The following EPN1 variants were observed in gnomAD, a reference collection of about 807,000 sequenced individuals.
The protein encoded by EPN1 is epsin-1.
A neutral mutation model predicts 56.9 loss-of-function variants in EPN1; 25 were observed. The ratio of observed to expected loss-of-function variants is 0.44; its 90% confidence interval spans 0.32 to 0.61. The LOEUF is 0.61. Ranked by LOEUF, EPN1 falls within the 20% of genes least tolerant of loss-of-function variation. The pLI is 0.05. For synonymous variants in EPN1, 411 were observed against 361.8 expected, an observed-to-expected ratio of 1.14 and a Z score of -1.54; for missense variants, 785 against 823.7, an observed-to-expected ratio of 0.95 and a Z score of 0.58.
At chr19:55,678,114 C>T (rs1171592238) in intron 1 of EPN1, among the ~76,000 whole-genome samples, 1 of 152,132 alleles carries the variant, frequency 6.6e-6, no homozygotes, top group Non-Finnish European at 1.5e-5. Flanking sequence ...GTGGATATCC[C>T]TGGATGAGGA....
intron 7 of EPN1, 22 bp downstream of exon 7, chr19:55,692,079 A>G (rs1600107868): frequency 1.4e-6 from 2 of 1,420,284 alleles, no homozygotes; most frequent in Non-Finnish European, 1.8e-6. Flanking sequence ...GCCCACTTGC[A>G]TGCAGCCCCT....
chr19:55,687,034 C>T (rs1344066873), intron 3 of EPN1, among the ~76,000 whole-genome samples: 1 of 152,124 alleles, frequency 6.6e-6, no homozygotes, highest in African/African-American at 2.4e-5. Context: ...GAAGCAGCTG[C>T]ACCCCTCCGA....
Position 55,708,227 on chromosome 19 carries a change from C to T in EPN1, c.*12871C>T, listed in dbSNP as rs947857214. ...AACTGATTATATAATCCAATTTCTG[C>T]ATCATCTTGCTTTTATGTTTTGTAA... On this transcript the variant is annotated 3_prime_UTR_variant, in exon 11 of 11. Coordinates refer to ENST00000270460, the MANE Select transcript of EPN1 (RefSeq NM_001130072.2). 6.6e-6 allele frequency: 1 copy of T among 152,144 alleles called. No homozygotes were observed. Among genetic ancestry groups the T allele is most frequent in the African/African-American group, 2.4e-5 (1 of 41,440 alleles). 9.4% of individuals were successfully genotyped at this position (152,144 alleles called of 1,614,324 possible). A position where few individuals can be genotyped will look rare whatever the true frequency, so the allele number is the denominator to read the frequency against.
chr19:55,681,159 T>C, intron 2 of EPN1, among the ~76,000 whole-genome samples: 1 of 152,162 alleles, frequency 6.6e-6, no homozygotes. Flanking sequence ...TGTGGGGGCC[T>C]TGCAGGCCTG....
Position 55,695,684 on chromosome 19 carries a change from G to A in EPN1, c.*328G>A, listed in dbSNP as rs563357184. ...GTTTGAGCCTCCTCGTTCCCCTCAC[G>A]CACCCGCTCACGCACCCTCGGTGAA... On this transcript the variant is annotated 3_prime_UTR_variant, in exon 11 of 11. Coordinates refer to ENST00000270460, the MANE Select transcript of EPN1 (RefSeq NM_001130072.2). The surrounding 1 kb of genome is among the most constrained non-coding windows in gnomAD (Gnocchi z 4.4). 10 of 345,216 alleles carry A rather than the reference G, an allele frequency of 2.9e-5. No homozygotes were observed. The East Asian group carries it at 4.7e-4, about 16-fold the overall frequency. The allele number at this position is 345,216 out of a possible 1,614,324, so 21.4% of individuals were successfully genotyped here.
At chr19:55,690,315 C>T (rs748527167) in intron 6 of EPN1, among the ~76,000 whole-genome samples, 10 of 152,372 alleles carry the variant, frequency 6.6e-5, no homozygotes, top group African/African-American at 1.7e-4. Flanking sequence ...CACACTTTGT[C>T]GGGCACCTCC....
In EPN1 at chr19:55,704,426, A is replaced by T. The variant is rs1416425114; in HGVS notation, c.*9070A>T. ...TCCTAATCCAATCTGACTGTTATAT[A>T]GTGGGGTTGCACCTTCATGTGAGGA... On this transcript the variant is annotated 3_prime_UTR_variant, in exon 11 of 11. Transcript: ENST00000270460. 1.3e-5 allele frequency: 2 copies of T among 152,224 alleles called. No homozygotes were observed. The highest frequency in any genetic ancestry group is 2.9e-5 in the Non-Finnish European group (2 of 68,066). 9.4% of individuals were successfully genotyped at this position (152,224 alleles called of 1,614,324 possible).
At position 55,689,938 on chromosome 19, in the gene EPN1, G is replaced by A; in HGVS notation, c.750G>A (p.Gly250=). 18 of 1,601,970 alleles carry A rather than the reference G, an allele frequency of 1.1e-5. No individual in the cohort carries two copies. Among genetic ancestry groups the A allele is most frequent in the Non-Finnish European group, 1.4e-5 (16 of 1,174,844 alleles). ...MAIEESKRET[G]GKEESSLMDL... ...TCGAGGAGAGCAAGAGGGAGACTGG[G>A]GGCAAGGAGGAGGTGAGCGGGGCTT... The change falls in exon 6 of 11, where the codon GGG becomes GGA. Residue 250 remains glycine, a synonymous_variant. Transcript: ENST00000270460. This position sits in a 1 kb window ranked among gnomAD's most constrained non-coding sequence, Gnocchi z 5.7.
intron 2 of EPN1, among the ~76,000 whole-genome samples, chr19:55,680,074 G>C (rs2122165985): frequency 6.6e-6 from 1 of 152,286 alleles, no homozygotes; most frequent in African/African-American, 2.4e-5. Context: ...CTGAGAGTCT[G>C]CTGGGGAGCA....
intron 6 of EPN1, among the ~76,000 whole-genome samples, chr19:55,690,565 GCCTTGCCCTCCAGCCTCCTCC>G (rs1308367040): frequency 6.6e-6 from 1 of 152,170 alleles, no homozygotes; most frequent in Non-Finnish European, 1.5e-5. Context: ...GTCCGCACTG[GCCTTGCCCTCCAGCCTCCTCC>G]CCTGGCCTCT....
chr19:55,683,790 G>A (rs1189395738), intron 2 of EPN1, among the ~76,000 whole-genome samples: 1 of 152,240 alleles, frequency 6.6e-6, no homozygotes, highest in Non-Finnish European at 1.5e-5. Context: ...CCAAAGTCCA[G>A]AGAGCTCTGG....
chr19:55,697,661 A>G lies in EPN1; in HGVS notation c.*2305A>G, dbSNP rs1986963161. The G allele has an allele frequency of 6.6e-6, 1 of 152,190 alleles. No individual in the cohort carries two copies. The highest frequency in any genetic ancestry group is 1.5e-5 in the Non-Finnish European group (1 of 68,028). The allele number at this position is 152,190 out of a possible 1,614,324, so 9.4% of individuals were successfully genotyped here. On this transcript the variant is annotated 3_prime_UTR_variant, in exon 11 of 11. Transcript: ENST00000270460. ...TCTTTTCCCTACAGTGCGAATTACA[A>G]AGTAGCACCACAGATCTCGTGTCTC...
chr19:55,678,569 G>A lies in EPN1; in HGVS notation c.-59G>A. On this transcript the variant is annotated 5_prime_UTR_variant, in exon 2 of 11. Transcript: ENST00000270460. ...CACCTGCCGCAGCCTTCGTCCGGGA[G>A]TCGCCCCATCTCTCCACGCATCGGG... is the stretch of plus-strand genomic sequence containing the variant. 2 of 1,557,612 alleles carry A rather than the reference G, an allele frequency of 1.3e-6. No individual in the cohort carries two copies. Among genetic ancestry groups the A allele is most frequent in the Non-Finnish European group, 1.7e-6 (2 of 1,153,582 alleles).
intron 2 of EPN1, among the ~76,000 whole-genome samples, chr19:55,681,287 C>G (rs948863971): frequency 3.8e-4 from 58 of 152,212 alleles, no homozygotes; most frequent in African/African-American, 1.4e-3. Context: ...CACGGTTACC[C>G]TGTAAAGGAA....
Position 55,694,530 on chromosome 19 carries a change from AC to A in EPN1, c.1265-194del. Reference sequence around the variant, plus strand: ...GTGTTTGCTCACTGGAATCAGACCCACCTTATGGGAATCTGGGCTGACGTGA... The same window carrying A: ...GTGTTTGCTCACTGGAATCAGACCCACTTATGGGAATCTGGGCTGACGTGA... On this transcript the variant is annotated intron_variant, in intron 9 of 10. Transcript: ENST00000270460. The surrounding 1 kb of genome is among the most constrained non-coding windows in gnomAD (Gnocchi z 4.2). 1 of 538,266 alleles carries A rather than the reference AC, an allele frequency of 1.9e-6. No homozygotes were observed. Among genetic ancestry groups the A allele is most frequent in the South Asian group, 4.4e-5 (1 of 22,954 alleles). The allele number at this position is 538,266 out of a possible 1,614,324, so 33.3% of individuals were successfully genotyped here.
chr19:55,691,802 C>T lies in EPN1; in HGVS notation c.811C>T (p.Pro271Ser), dbSNP rs1300554386. The T allele has an allele frequency of 1.2e-6, 2 of 1,612,572 alleles. No individual in the cohort carries two copies. The highest frequency in any genetic ancestry group is 2.2e-5 in the East Asian group (1 of 44,842). Residue 271 changes from proline to serine, a missense_variant, in exon 7 of 11, where the codon CCG (proline) becomes TCG (serine). By Grantham distance (74) the Pro-to-Ser change is moderately conservative (BLOSUM62 -1). Around this residue, in one of 2 missense-constraint regions of EPN1, gnomAD observed 650 missense variants for 605.0 expected, o/e 1.07. Transcript: ENST00000270460. The surrounding 1 kb of genome is among the most constrained non-coding windows in gnomAD (Gnocchi z 5.6). ...CGTCTTCACGGCCCCAGCTCCTGCC[C>T]CGACCACAGACCCCTGGGGGGGCCC... ...ADVFTAPAPA[P>S]TTDPWGGPAP...
At position 55,685,512 on chromosome 19, in the gene EPN1, C is replaced by T. The variant is rs535686492; in HGVS notation, c.345C>T (p.Asp115=). 2.2e-5 allele frequency: 35 copies of T among 1,612,940 alleles called. No homozygotes were observed. The highest frequency in any genetic ancestry group is 2.0e-4 in the South Asian group (18 of 90,862). ...AGGACTTCCAGTACGTGGACCGCGA[C>T]GGCAAGGACCAGGGCGTGAACGTGC... The part of the protein sequence containing the change: ...TLKDFQYVDR[D]GKDQGVNVRE... The change falls in exon 3 of 11, where the codon GAC becomes GAT. Residue 115 remains aspartate (D), a synonymous_variant. Coordinates refer to ENST00000270460, the MANE Select transcript of EPN1 (RefSeq NM_001130072.2).
intron 3 of EPN1, among the ~76,000 whole-genome samples, chr19:55,686,228 C>T (rs1174518011): frequency 6.6e-6 from 1 of 152,168 alleles, no homozygotes; most frequent in African/African-American, 2.4e-5. Flanking sequence ...AAGATCTGTC[C>T]CACGAAACAT....
At position 55,691,559 on chromosome 19, in the gene EPN1, T is replaced by G. The variant is rs1986547122; in HGVS notation, c.763-195T>G. Among the ~76,000 whole-genome samples, 2 of 149,020 alleles carry G rather than the reference T, an allele frequency of 1.3e-5. No individual in the cohort carries two copies. The highest frequency in any genetic ancestry group is 3.0e-5 in the Non-Finnish European group (2 of 67,176). On this transcript the variant is annotated intron_variant, in intron 6 of 10. Coordinates refer to ENST00000270460, the MANE Select transcript of EPN1 (RefSeq NM_001130072.2). This position sits in a 1 kb window ranked among gnomAD's most constrained non-coding sequence, Gnocchi z 5.6. ...CTCGGGTGGGGTAGGTGGGCAGGGG[T>G]GGGCCGACCCCATGACGGATGAGGA...
Sources: allele counts gnomAD v4.1 joint callset (sites outside exome capture counted in the v4.1 genomes callset), GRCh38; gene constraint gnomAD v4.1.1; regional missense constraint gnomAD v4.1.1; non-coding constraint Gnocchi (gnomAD v3.1); transcripts MANE v1.5; gene names NCBI Gene and HGNC (gene_info 2026-07-23, HGNC 2026-07-21).